Variants in ITM2C observed in about 807,000 individuals in gnomAD.
ITM2C encodes BRICHOS domain containing 2C.
ITM2C carries 20 observed loss-of-function variants against 30.0 expected under a neutral mutation model. That is an observed-to-expected ratio of 0.67 (90% confidence interval 0.47 to 0.97). ITM2C has a LOEUF of 0.97. Ranked by LOEUF, ITM2C falls within the 50% of genes least tolerant of loss-of-function variation. The probability of loss-of-function intolerance (pLI) is 0.00; values close to 1 mark genes in which losing one functional copy is unlikely to be tolerated. For synonymous variants in ITM2C, 167 were observed against 156.4 expected (o/e 1.07, Z -0.51); for missense variants, 366 against 371.9 (o/e 0.98, Z 0.13).
intron 1 of ITM2C, among the ~76,000 whole-genome samples, chr2:230,866,167 T>A (rs1270727885): frequency 6.6e-6 from 1 of 151,850 alleles, no homozygotes; most frequent in Non-Finnish European, 1.5e-5. Flanking sequence ...CTGGCAAAGG[T>A]GTCTACGTGG....
Position 230,876,937 on chromosome 2 carries a change from C to T in ITM2C, c.531C>T (p.Arg177=). Residue 177 remains arginine (R), a synonymous_variant, in exon 4 of 6, where the codon CGC becomes CGT. Transcript: ENST00000326427. ...ACACCACCATTGTGCTGCCCCCTCGCAACTTCTGGGAGCTCCTCATGAACG... is the reference window on the plus strand; with the variant it reads ...ACACCACCATTGTGCTGCCCCCTCGTAACTTCTGGGAGCTCCTCATGAACG... ...ELNTTIVLPP[R]NFWELLMNVK... 6.2e-7 allele frequency: 1 copy of T among 1,613,786 alleles called. No homozygotes were observed. Among genetic ancestry groups the T allele is most frequent in the African/African-American group, 1.3e-5 (1 of 75,050 alleles).
chr2:230,871,060 C>A (rs933167984), intron 1 of ITM2C, among the ~76,000 whole-genome samples: 1 of 152,250 alleles, frequency 6.6e-6, no homozygotes, highest in Non-Finnish European at 1.5e-5. Context: ...TGATCCTTTA[C>A]AAAGGGCTTT....
chr2:230,866,587 A>G (rs1457400062), intron 1 of ITM2C, among the ~76,000 whole-genome samples: 1 of 152,096 alleles, frequency 6.6e-6, no homozygotes, highest in East Asian at 1.9e-4. Flanking sequence ...TGTGCACCCC[A>G]TGAGAGCAGC....
chr2:230,876,448 G>T (rs1157772394), intron 3 of ITM2C, among the ~76,000 whole-genome samples: 1 of 152,134 alleles, frequency 6.6e-6, no homozygotes, highest in Non-Finnish European at 1.5e-5. Context: ...CAGGGTCCCA[G>T]GAAGGCATGG....
Position 230,877,675 on chromosome 2 carries a change from C to T in ITM2C, c.712+125C>T. On this transcript the variant is annotated intron_variant, in intron 5 of 5. Coordinates refer to ENST00000326427, the MANE Select transcript of ITM2C (RefSeq NM_030926.6). The surrounding 1 kb of genome is among the most constrained non-coding windows in gnomAD (Gnocchi z 4.8). Reference sequence around the variant, plus strand: ...GCAATAACAGCTAGCATTAGCAGAGCACTTCCGTGTGCCGGGCAATGCTGT... The same window carrying T: ...GCAATAACAGCTAGCATTAGCAGAGTACTTCCGTGTGCCGGGCAATGCTGT... 1 of 1,013,408 alleles carries T rather than the reference C, an allele frequency of 9.9e-7. No individual in the cohort carries two copies. The highest frequency in any genetic ancestry group is 2.4e-5 in the East Asian group (1 of 40,870). The allele number at this position is 1,013,408 out of a possible 1,614,324, so 62.8% of individuals were successfully genotyped here.
At chr2:230,876,594 G>A (rs947767929) in intron 3 of ITM2C, among the ~76,000 whole-genome samples, 8 of 152,068 alleles carry the variant, frequency 5.3e-5, no homozygotes, top group African/African-American at 1.2e-4. Context: ...CCATTCTCCC[G>A]CCTCAGCCCC....
Position 230,878,175 on chromosome 2 carries a change from C to A in ITM2C, c.*76C>A, listed in dbSNP as rs1240614300. 4 of 1,067,852 alleles carry A rather than the reference C, an allele frequency of 3.7e-6. No individual in the cohort carries two copies. The East Asian group carries it at 7.7e-5, about 20-fold the overall frequency. The allele number at this position is 1,067,852 out of a possible 1,614,324, so 66.1% of individuals were successfully genotyped here. A position where few individuals can be genotyped will look rare whatever the true frequency, so the allele number is the denominator to read the frequency against. On this transcript the variant is annotated 3_prime_UTR_variant, in exon 6 of 6. Coordinates refer to ENST00000326427, the MANE Select transcript of ITM2C (RefSeq NM_030926.6). This position sits in a 1 kb window ranked among gnomAD's most constrained non-coding sequence, Gnocchi z 4.5. ...GCTGCTCTCTGGCCCTCCTCCTTCCCCCTGCTTAGCTTGTACTTTGGACGC... is the reference window on the plus strand; with the variant it reads ...GCTGCTCTCTGGCCCTCCTCCTTCCACCTGCTTAGCTTGTACTTTGGACGC...
rs1314362195 is a variant in ITM2C, at chr2:230,876,781, G to T, written c.451-76G>T. On this transcript the variant is annotated intron_variant, in intron 3 of 5. Coordinates refer to ENST00000326427, the MANE Select transcript of ITM2C (RefSeq NM_030926.6). ...AGGCATGAGCCACCGCGCCTGGCTG[G>T]CCAAAGCTTCTTGCAGCCCTGCCTG... is the stretch of plus-strand genomic sequence containing the variant. 3 of 1,007,654 alleles carry T rather than the reference G, an allele frequency of 3.0e-6. No homozygotes were observed. The South Asian group carries it at 4.1e-5, about 14-fold the overall frequency. 62.4% of individuals were successfully genotyped at this position (1,007,654 alleles called of 1,614,324 possible).
chr2:230,864,701 T>TGGGC (rs1696975967), upstream of ITM2C: 1 of 124,780 alleles, frequency 8.0e-6, no homozygotes, highest in African/African-American at 2.9e-5. The surrounding 1 kb of genome is among the most constrained non-coding windows in gnomAD (Gnocchi z 4.3). Flanking sequence ...AATGAATGAG[T>TGGGC]GAGCGAGTGA....
chr2:230,873,513 G>C lies in ITM2C; in HGVS notation c.217G>C (p.Val73Leu). The C allele has an allele frequency of 6.2e-7, 1 of 1,610,932 alleles. No individual in the cohort carries two copies. Among genetic ancestry groups the C allele is most frequent in the Non-Finnish European group, 8.5e-7 (1 of 1,178,684 alleles). ...CATGGTCGTGCTGCTCATGGGCCTCGTGTTCGCCTCTGTCTACATCTACAG... is the reference window on the plus strand; with the variant it reads ...CATGGTCGTGCTGCTCATGGGCCTCCTGTTCGCCTCTGTCTACATCTACAG... ...MGMVVLLMGL[V>L]FASVYIYRYF... Residue 73 changes from valine to leucine, a missense_variant, in exon 2 of 6, where the codon GTG becomes CTG. Transcript: ENST00000326427.
In ITM2C at chr2:230,877,105, C is replaced by T; in HGVS notation, c.561+138C>T. On this transcript the variant is annotated intron_variant, in intron 4 of 5. Transcript: ENST00000326427. This position sits in a 1 kb window ranked among gnomAD's most constrained non-coding sequence, Gnocchi z 4.8. ...AAGAGACATTGCTGGCACCTGGGCC[C>T]TGTACCCAGATTGGTCTCGCCTCTG... 2 of 685,952 alleles carry T rather than the reference C, an allele frequency of 2.9e-6. No individual in the cohort carries two copies. The highest frequency in any genetic ancestry group is 2.6e-5 in the East Asian group (1 of 38,680). The allele number at this position is 685,952 out of a possible 1,614,324, so 42.5% of individuals were successfully genotyped here. A position where few individuals can be genotyped will look rare whatever the true frequency, so the allele number is the denominator to read the frequency against.
At chr2:230,867,625 CCAAAA>C (rs1354074866) in intron 1 of ITM2C, among the ~76,000 whole-genome samples, 1 of 151,860 alleles carries the variant, frequency 6.6e-6, no homozygotes, top group African/African-American at 2.4e-5. Flanking sequence ...GAACTGGACT[CCAAAA>C]CAAGATTTAT....
At chr2:230,870,861 G>A (rs1051786877) in intron 1 of ITM2C, among the ~76,000 whole-genome samples, 12 of 151,452 alleles carry the variant, frequency 7.9e-5, no homozygotes, top group African/African-American at 2.9e-4. Flanking sequence ...CCCACGTAGC[G>A]CTTTGACTTT....
intron 1 of ITM2C, among the ~76,000 whole-genome samples, chr2:230,868,518 TGTAGAG>T (rs1697088245): frequency 6.6e-6 from 1 of 152,032 alleles, no homozygotes; most frequent in African/African-American, 2.4e-5. Context: ...GATGTGGGCA[TGTAGAG>T]GCTCACGAGC....
chr2:230,877,155 A>G lies in ITM2C; in HGVS notation c.561+188A>G, dbSNP rs1266773197. 6.6e-6 allele frequency among the ~76,000 whole-genome samples: 1 copy of G among 152,166 alleles called. No individual in the cohort carries two copies. The highest frequency in any genetic ancestry group is 1.5e-5 in the Non-Finnish European group (1 of 68,030). On this transcript the variant is annotated intron_variant, in intron 4 of 5. Transcript: ENST00000326427. The surrounding 1 kb of genome is among the most constrained non-coding windows in gnomAD (Gnocchi z 4.8). ...GCTATCCCCCTGCTTCCACATCTCCAGAGTCAATGCCCCGAGACCGGCTTC... is the reference window on the plus strand; with the variant it reads ...GCTATCCCCCTGCTTCCACATCTCCGGAGTCAATGCCCCGAGACCGGCTTC...
Position 230,873,397 on chromosome 2 carries a change from C to T in ITM2C, c.121-20C>T. The T allele has an allele frequency of 1.3e-6, 2 of 1,527,624 alleles. No homozygotes were observed. Among genetic ancestry groups the T allele is most frequent in the Non-Finnish European group, 1.8e-6 (2 of 1,136,376 alleles). The allele number at this position is 1,527,624 out of a possible 1,614,324, so 94.6% of individuals were successfully genotyped here. ...GGGGAGGGGCCCTGGCCCCCACTGA[C>T]CCAGCATTGCTATCCACAGGAGGAG... On this transcript the variant is annotated intron_variant, in intron 1 of 5. Coordinates refer to ENST00000326427, the MANE Select transcript of ITM2C (RefSeq NM_030926.6).
At position 230,877,069 on chromosome 2, in the gene ITM2C, GT is replaced by G. The variant is rs2125025841; in HGVS notation, c.561+104del. The G allele has an allele frequency of 2.3e-6, 2 of 862,546 alleles. No individual in the cohort carries two copies. The highest frequency in any genetic ancestry group is 3.8e-6 in the Non-Finnish European group (2 of 526,574). 53.4% of individuals were successfully genotyped at this position (862,546 alleles called of 1,614,324 possible). ...GGTACAGGAAGTTCCTGTGTCAGGG[GT>G]TGGGGGAGCAAGAGACATTGCTGGC... On this transcript the variant is annotated intron_variant, in intron 4 of 5. Transcript: ENST00000326427. This position sits in a 1 kb window ranked among gnomAD's most constrained non-coding sequence, Gnocchi z 4.8.
Position 230,878,286 on chromosome 2 carries a change from C to T in ITM2C, c.*187C>T. ...AGAGCTGTGATCTCTCGGTGGGGGGCCCATCTCTGCTGACCTGGGTGTGGC... is the reference window on the plus strand; with the variant it reads ...AGAGCTGTGATCTCTCGGTGGGGGGTCCATCTCTGCTGACCTGGGTGTGGC... On this transcript the variant is annotated 3_prime_UTR_variant, in exon 6 of 6. Transcript: ENST00000326427. The surrounding 1 kb of genome is among the most constrained non-coding windows in gnomAD (Gnocchi z 4.5). The T allele has an allele frequency of 2.3e-6, 1 of 427,370 alleles. No individual in the cohort carries two copies. The highest frequency in any genetic ancestry group is 4.2e-6 in the Non-Finnish European group (1 of 239,856). The allele number at this position is 427,370 out of a possible 1,614,324, so 26.5% of individuals were successfully genotyped here.
intron 1 of ITM2C, among the ~76,000 whole-genome samples, chr2:230,871,520 TG>T (rs1165275336): frequency 1.3e-5 from 2 of 152,240 alleles, no homozygotes; most frequent in Non-Finnish European, 2.9e-5. Flanking sequence ...GCCCGTCACT[TG>T]CTGGTGACCT....
Sources: allele counts gnomAD v4.1 joint callset (sites outside exome capture counted in the v4.1 genomes callset), GRCh38; gene constraint gnomAD v4.1.1; non-coding constraint Gnocchi (gnomAD v3.1); transcripts MANE v1.5; gene names NCBI Gene and HGNC (gene_info 2026-07-23, HGNC 2026-07-21).